ZNF706: variants seen among roughly 807,000 people sequenced by gnomAD.
ZNF706 encodes zinc finger protein 706, also known as transcriptional regulator ZNF706.
A neutral mutation model predicts 9.2 loss-of-function variants in ZNF706; 4 were observed. The observed-to-expected ratio is 0.43, with a 90% CI of 0.21 to 0.99. ZNF706 has a LOEUF of 0.99. Among genes scored for constraint, ZNF706 ranks in the 50% least tolerant of loss-of-function variants. ZNF706 has a pLI of 0.26. For synonymous variants in ZNF706, 28 were observed against 27.3 expected (o/e 1.03, Z -0.08); for missense variants, 27 against 87.8 (o/e 0.31, Z 2.77).
rs893390575 is a variant in ZNF706 at position 101,198,973 on chromosome 8, T to A, written c.*279A>T. 2.7e-6 allele frequency: 1 copy of A among 377,358 alleles called. No homozygotes were observed. The highest frequency in any genetic ancestry group is 4.7e-6 in the Non-Finnish European group (1 of 212,226). 23.4% of individuals were successfully genotyped at this position (377,358 alleles called of 1,614,324 possible). On this transcript the variant is annotated 3_prime_UTR_variant, in exon 4 of 4. Coordinates refer to ENST00000311212, the MANE Select transcript of ZNF706 (RefSeq NM_016096.5). ...AAGTACTATTTTATTAAATGAGTTA[T>A]TTTACACAATATGAACATCAATATA...
At position 101,205,279 on chromosome 8, in the gene ZNF706, C is replaced by T. The variant is rs1249578011; in HGVS notation, c.-3+156G>A. ...GCCTGGCAGGCGCCCGAACTCATCC[C>T]CTTCCCGCGGCCCGCCCCGGGCCGG... On this transcript the variant is annotated intron_variant, in intron 1 of 3. Transcript: ENST00000311212. The surrounding 1 kb of genome is among the most constrained non-coding windows in gnomAD (Gnocchi z 6.6). 6.6e-6 allele frequency: 1 copy of T among 151,708 alleles called. No individual in the cohort carries two copies. Among genetic ancestry groups the T allele is most frequent in the Non-Finnish European group, 1.5e-5 (1 of 67,904 alleles). 9.4% of individuals were successfully genotyped at this position (151,708 alleles called of 1,614,324 possible).
chr8:101,197,947 G>A lies in ZNF706; in HGVS notation c.*1305C>T, dbSNP rs74850237. 1.4e-3 allele frequency: 213 copies of A among 152,196 alleles called. No individual in the cohort carries two copies. Among genetic ancestry groups the A allele is most frequent in the African/African-American group, 4.7e-3 (197 of 41,546 alleles). The allele number at this position is 152,196 out of a possible 1,614,324, so 9.4% of individuals were successfully genotyped here. ...CTGTAATCCACAGGATCAGATAAAT[G>A]GCTCTAAGCAGTTACCAGTAAGTAT... On this transcript the variant is annotated 3_prime_UTR_variant, in exon 4 of 4. Coordinates refer to ENST00000311212, the MANE Select transcript of ZNF706 (RefSeq NM_016096.5).
chr8:101,201,299 TAG>T lies in ZNF706; in HGVS notation c.135+306_135+307del. ...AGCATATTATATAGCTCTAAGAGTG[TAG>T]AGTTATATGATGTGCTAGTGAAGTG... On this transcript the variant is annotated intron_variant, in intron 2 of 3. Transcript: ENST00000311212. The surrounding 1 kb of genome is among the most constrained non-coding windows in gnomAD (Gnocchi z 4.5). The T allele has an allele frequency of 3.5e-6, 1 of 285,344 alleles. No individual in the cohort carries two copies. Among genetic ancestry groups the T allele is most frequent in the East Asian group, 7.5e-5 (1 of 13,336 alleles). The allele number at this position is 285,344 out of a possible 1,614,324, so 17.7% of individuals were successfully genotyped here. A position where few individuals can be genotyped will look rare whatever the true frequency, so the allele number is the denominator to read the frequency against.
chr8:101,197,257 C>G lies in ZNF706; in HGVS notation c.*1995G>C, dbSNP rs1268542828. 6.6e-6 allele frequency: 1 copy of G among 151,998 alleles called. No homozygotes were observed. Among genetic ancestry groups the G allele is most frequent in the African/African-American group, 2.4e-5 (1 of 41,374 alleles). The allele number at this position is 151,998 out of a possible 1,614,324, so 9.4% of individuals were successfully genotyped here. The stretch of plus-strand genomic sequence containing the variant: ...TATTTTATCAAGTCTTTGAAGACAC[C>G]ATAACAGTTTTATAATGAACTTTGC... On this transcript the variant is annotated 3_prime_UTR_variant, in exon 4 of 4. Coordinates refer to ENST00000311212, the MANE Select transcript of ZNF706 (RefSeq NM_016096.5).
chr8:101,199,867 A>T, intron 3 of ZNF706, 123 bp downstream of exon 3: 1 of 674,608 alleles, frequency 1.5e-6, no homozygotes, highest in Non-Finnish European at 2.5e-6. Context: ...TTACACATTA[A>T]CTTAAAAAGG....
At chr8:101,204,484 T>C (rs541317722) in intron 1 of ZNF706, 64 of 331,968 alleles carry the variant, frequency 1.9e-4, no homozygotes, top group Middle Eastern at 1.5e-3. Flanking sequence ...ATCGATTTCC[T>C]TTCTGAAAGC....
At chr8:101,204,127 C>T (rs1371795202) in intron 1 of ZNF706, 1 of 152,194 alleles carries the variant, frequency 6.6e-6, no homozygotes, top group African/African-American at 2.4e-5. Context: ...TAAAAAAAAT[C>T]TTCAAAAATG....
At chr8:101,202,130 G>A (rs904021159) in intron 1 of ZNF706, among the ~76,000 whole-genome samples, 1 of 151,826 alleles carries the variant, frequency 6.6e-6, no homozygotes, top group Admixed American at 6.6e-5. Context: ...TTTATACAAC[G>A]GAATACTACC....
chr8:101,202,839 A>T (rs1380616004), intron 1 of ZNF706: 1 of 152,176 alleles, frequency 6.6e-6, no homozygotes, highest in Non-Finnish European at 1.5e-5. Flanking sequence ...ATTCATTGTG[A>T]CTTGCGATTG....
intron 2 of ZNF706, among the ~76,000 whole-genome samples, chr8:101,200,559 T>A (rs796410046): frequency 4.6e-5 from 7 of 152,286 alleles, no homozygotes; most frequent in African/African-American, 1.7e-4. Flanking sequence ...GCAAGAACCT[T>A]CAATTATTTA....
At chr8:101,204,971 C>T (rs904627669) in intron 1 of ZNF706, 1 of 984,084 alleles carries the variant, frequency 1.0e-6, no homozygotes, top group Non-Finnish European at 1.2e-6. Flanking sequence ...CCCAACACTT[C>T]TCCGACCCCA....
At chr8:101,202,006 T>A (rs1383690372) in intron 1 of ZNF706, among the ~76,000 whole-genome samples, 1 of 152,292 alleles carries the variant, frequency 6.6e-6, no homozygotes, top group South Asian at 2.1e-4. Context: ...GCAAATGTTA[T>A]GTACACCAAG....
chr8:101,200,742 T>C (rs1017469022), intron 2 of ZNF706: 2 of 153,206 alleles, frequency 1.3e-5, no homozygotes, highest in African/African-American at 4.8e-5. Flanking sequence ...ATTTCATTAT[T>C]TTGAGTGTAT....
In ZNF706 at chr8:101,201,602, C is replaced by T; in HGVS notation, c.135+5G>A. 1 of 1,611,216 alleles carries T rather than the reference C, an allele frequency of 6.2e-7. No individual in the cohort carries two copies. Among genetic ancestry groups the T allele is most frequent in the Non-Finnish European group, 8.5e-7 (1 of 1,179,624 alleles). On this transcript the variant is annotated splice_donor_5th_base_variant and intron_variant, in intron 2 of 3. Coordinates refer to ENST00000311212, the MANE Select transcript of ZNF706 (RefSeq NM_016096.5). This position sits in a 1 kb window ranked among gnomAD's most constrained non-coding sequence, Gnocchi z 4.5. ...AGCTGTATCTTTCAATTCAATTCCCCTTACCCTACAGACAGTGCAGGTATA... is the reference window on the plus strand; with the variant it reads ...AGCTGTATCTTTCAATTCAATTCCCTTTACCCTACAGACAGTGCAGGTATA...
Position 101,201,202 on chromosome 8 carries a change from T to G in ZNF706, c.135+405A>C. ...GCTCTCAACGTGATTATACTCTATA[T>G]GGTTTTACAGACATCCTAATTATAA... On this transcript the variant is annotated intron_variant, in intron 2 of 3. Coordinates refer to ENST00000311212, the MANE Select transcript of ZNF706 (RefSeq NM_016096.5). This position sits in a 1 kb window ranked among gnomAD's most constrained non-coding sequence, Gnocchi z 4.5. The G allele has an allele frequency of 5.7e-6, 1 of 174,426 alleles. No individual in the cohort carries two copies. 10.8% of individuals were successfully genotyped at this position (174,426 alleles called of 1,614,324 possible).
chr8:101,199,195 C>G lies in ZNF706; in HGVS notation c.*57G>C. ...AGAAAAGCAGCTGCAGGTATGTTAC[C>G]TAAGGTCTGAGACAGTAGAAGAGTC... On this transcript the variant is annotated 3_prime_UTR_variant, in exon 4 of 4. Transcript: ENST00000311212. 4.3e-6 allele frequency: 3 copies of G among 698,504 alleles called. No individual in the cohort carries two copies. The highest frequency in any genetic ancestry group is 7.8e-6 in the Non-Finnish European group (3 of 383,118). The allele number at this position is 698,504 out of a possible 1,614,324, so 43.3% of individuals were successfully genotyped here.
upstream of ZNF706, chr8:101,205,880 A>G (rs1397106504): frequency 6.6e-6 from 1 of 152,046 alleles, no homozygotes; most frequent in Non-Finnish European, 1.5e-5. The surrounding 1 kb of genome is among the most constrained non-coding windows in gnomAD (Gnocchi z 6.6). Flanking sequence ...TTCTGTCCCC[A>G]GGCGCCCCTC....
chr8:101,199,713 T>C (rs780001454), intron 3 of ZNF706, among the ~76,000 whole-genome samples: 12 of 152,226 alleles, frequency 7.9e-5, no homozygotes, highest in African/African-American at 1.2e-4. Flanking sequence ...AATCACTATT[T>C]TCTTTAAACT....
At position 101,201,355 on chromosome 8, in the gene ZNF706, A is replaced by G. The variant is rs926874273; in HGVS notation, c.135+252T>C. On this transcript the variant is annotated intron_variant, in intron 2 of 3. Coordinates refer to ENST00000311212, the MANE Select transcript of ZNF706 (RefSeq NM_016096.5). The surrounding 1 kb of genome is among the most constrained non-coding windows in gnomAD (Gnocchi z 4.5). ...TATATGCCCTTATGAAGACATCTTTATTTTATATGAGGAAAGCAATTTTGT... is the reference window on the plus strand; with the variant it reads ...TATATGCCCTTATGAAGACATCTTTGTTTTATATGAGGAAAGCAATTTTGT... 2.2e-6 allele frequency: 1 copy of G among 451,188 alleles called. No homozygotes were observed. Among genetic ancestry groups the G allele is most frequent in the Non-Finnish European group, 3.9e-6 (1 of 255,044 alleles). The allele number at this position is 451,188 out of a possible 1,614,324, so 27.9% of individuals were successfully genotyped here.
Sources: gnomAD v4.1 joint callset for allele counts (sites outside exome capture counted in the v4.1 genomes callset) on GRCh38, gnomAD v4.1.1 for gene constraint, Gnocchi (gnomAD v3.1) non-coding constraint, MANE v1.5 for transcripts, NCBI Gene and HGNC (gene_info 2026-07-23, HGNC 2026-07-21) for gene names.